C19orf38: variants seen among roughly 807,000 people sequenced by gnomAD.
C19orf38 encodes the protein protein HIDE1.
Under a neutral mutation model 26.6 loss-of-function variants are expected in C19orf38, and 14 were observed. That is an observed-to-expected ratio of 0.53 (90% confidence interval 0.35 to 0.82). The LOEUF is 0.82. C19orf38 is among the 40% of genes least tolerant of loss of function. The pLI is 0.01. For synonymous variants in C19orf38, 132 were observed against 128.5 expected (o/e 1.03, Z -0.18); for missense variants, 261 against 299.5 (o/e 0.87, Z 0.95).
intron 1 of C19orf38, among the ~76,000 whole-genome samples, chr19:10,838,678 C>T (rs975354393): frequency 6.6e-6 from 1 of 152,130 alleles, no homozygotes; most frequent in Non-Finnish European, 1.5e-5. Flanking sequence ...GAGAGTATAG[C>T]TCTCTGCTAC....
chr19:10,837,648 C>T, intron 1 of C19orf38, among the ~76,000 whole-genome samples: 1 of 151,248 alleles, frequency 6.6e-6, no homozygotes, highest in East Asian at 1.9e-4. Context: ...GCTGAGACTA[C>T]AGGCACGTGC....
At chr19:10,861,171 CAATT>C (rs773537131) in intron 5 of C19orf38, among the ~76,000 whole-genome samples, 3 of 152,144 alleles carry the variant, frequency 2.0e-5, no homozygotes, top group South Asian at 2.1e-4. Flanking sequence ...AAAAATGAAA[CAATT>C]AAGTGATCAT....
At chr19:10,858,935 TG>T (rs1054747427) in intron 4 of C19orf38, among the ~76,000 whole-genome samples, 27 of 131,238 alleles carry the variant, frequency 2.1e-4, no homozygotes, top group African/African-American at 4.9e-4. Flanking sequence ...AATATATATA[TG>T]TTTTTTTTTT....
intron 6 of C19orf38, among the ~76,000 whole-genome samples, chr19:10,868,624 C>A (rs555273031): frequency 1.3e-5 from 2 of 152,280 alleles, no homozygotes; most frequent in East Asian, 1.9e-4. Context: ...GGTGATTCTC[C>A]TGCCTCAGCC....
rs1229507320 is a variant in C19orf38 at position 10,856,256 on chromosome 19, T to A, written c.341-9T>A. 6.5e-7 allele frequency: 1 copy of A among 1,548,866 alleles called. No individual in the cohort carries two copies. The highest frequency in any genetic ancestry group is 1.4e-5 in the African/African-American group (1 of 72,966). ...GACCTGCCCACTCTCTTTTCTGATT[T>A]TCCTCCAGTGCCCACTTGGATCTTG... On this transcript the variant is annotated splice_polypyrimidine_tract_variant and intron_variant, in intron 2 of 6. Coordinates refer to ENST00000397820, the MANE Select transcript of C19orf38 (RefSeq NM_001136482.3).
intron 1 of C19orf38, among the ~76,000 whole-genome samples, chr19:10,842,451 G>A (rs2073485121): frequency 6.6e-6 from 1 of 152,012 alleles, no homozygotes; most frequent in Admixed American, 6.6e-5. Context: ...TAGTAGAGAT[G>A]GGTTTTCACC....
At chr19:10,846,636 A>C (rs2073520777), upstream of C19orf38, among the ~76,000 whole-genome samples, 1 of 152,218 alleles carries the variant, frequency 6.6e-6, no homozygotes, top group South Asian at 2.1e-4. Flanking sequence ...GATAAGAGAC[A>C]AGGAGACTTC....
chr19:10,846,985 G>A (rs960016695), upstream of C19orf38, among the ~76,000 whole-genome samples: 1 of 152,160 alleles, frequency 6.6e-6, no homozygotes, highest in African/African-American at 2.4e-5. Flanking sequence ...AAGGCCCTGA[G>A]GTTGGATTGA....
chr19:10,869,329 G>A lies in C19orf38; in HGVS notation c.655G>A (p.Glu219Lys), dbSNP rs2073781229. 5 of 1,551,440 alleles carry A rather than the reference G, an allele frequency of 3.2e-6. No individual in the cohort carries two copies. Among genetic ancestry groups the A allele is most frequent in the Non-Finnish European group, 3.5e-6 (4 of 1,146,928 alleles). ...KRPTSTSSSP[E>K]TPEFSTFRAC... ...GCCCACTTCCACGTCCTCCTCGCCT[G>A]AGACCCCCGAATTCAGCACTTTCCG... is the stretch of plus-strand genomic sequence containing the variant. The change falls in exon 7 of 7, where the codon GAG becomes AAG. Residue 219 changes from glutamate (E) to lysine (K), a missense_variant. Transcript: ENST00000397820.
intron 1 of C19orf38, among the ~76,000 whole-genome samples, chr19:10,839,782 G>A (rs2073466026): frequency 6.8e-6 from 1 of 146,652 alleles, no homozygotes; most frequent in Admixed American, 6.9e-5. Context: ...AAGCTGGAGT[G>A]CAGTGGTGTG....
intron 2 of C19orf38, among the ~76,000 whole-genome samples, chr19:10,853,427 C>T (rs1045440984): frequency 6.6e-6 from 1 of 151,834 alleles, no homozygotes; most frequent in Non-Finnish European, 1.5e-5. Context: ...GCTGGGATTA[C>T]AGGCGTGCAC....
Position 10,869,645 on chromosome 19 carries a change from G to A in C19orf38, c.*278G>A. The A allele has an allele frequency of 2.3e-6, 1 of 442,208 alleles. No individual in the cohort carries two copies. The highest frequency in any genetic ancestry group is 4.0e-6 in the Non-Finnish European group (1 of 251,796). 27.4% of individuals were successfully genotyped at this position (442,208 alleles called of 1,614,324 possible). A position where few individuals can be genotyped will look rare whatever the true frequency, so the allele number is the denominator to read the frequency against. On this transcript the variant is annotated 3_prime_UTR_variant, in exon 7 of 7. Coordinates refer to ENST00000397820, the MANE Select transcript of C19orf38 (RefSeq NM_001136482.3). ...CAGGACCCCTTCTTGTCCCCCAGCT[G>A]GGCCATAAGACGTCCCAGGTCTCTG...
chr19:10,855,487 A>G (rs907671382), intron 2 of C19orf38, among the ~76,000 whole-genome samples: 3 of 151,544 alleles, frequency 2.0e-5, no homozygotes, highest in Non-Finnish European at 4.4e-5. Context: ...ACAGGTGTGC[A>G]CCACACCTGG....
chr19:10,844,536 C>T (rs1010772226), upstream of C19orf38, among the ~76,000 whole-genome samples: 1 of 150,052 alleles, frequency 6.7e-6, no homozygotes, highest in African/African-American at 2.5e-5. Context: ...CATAGCAAGA[C>T]CCTGTCTCTG....
intron 5 of C19orf38, among the ~76,000 whole-genome samples, chr19:10,862,622 G>T (rs2073712078): frequency 2.0e-5 from 3 of 152,046 alleles, no homozygotes; most frequent in African/African-American, 7.2e-5. Flanking sequence ...TTGGGGCAAG[G>T]AGTTCAAGAC....
chr19:10,854,908 G>T (rs997447166), intron 2 of C19orf38, among the ~76,000 whole-genome samples: 9 of 152,032 alleles, frequency 5.9e-5, no homozygotes, highest in Non-Finnish European at 8.8e-5. Context: ...GATATGGCTG[G>T]ATCCAGGTGC....
rs553625882 is a variant in C19orf38 at position 10,855,118 on chromosome 19, A to C, written c.341-1147A>C. 7.5e-5 allele frequency among the ~76,000 whole-genome samples: 11 copies of C among 146,294 alleles called. No homozygotes were observed. In the South Asian group the frequency reaches 1.7e-3, roughly 23 times the overall value. Reference sequence around the variant, plus strand: ...AATGGCCCAATCTCGGCTCACTGCAACCTCCACCTTTTGGGTTCAATCGAT... The same window carrying C: ...AATGGCCCAATCTCGGCTCACTGCACCCTCCACCTTTTGGGTTCAATCGAT... On this transcript the variant is annotated intron_variant, in intron 2 of 6. Transcript: ENST00000397820.
rs375864409 is a variant in C19orf38 at position 10,853,208 on chromosome 19, G to A, written c.340+2641G>A. 2.6e-4 allele frequency among the ~76,000 whole-genome samples: 39 copies of A among 151,718 alleles called. 1 individual carries two copies. Among genetic ancestry groups the A allele is most frequent in the African/African-American group, 8.2e-4 (34 of 41,320 alleles). On this transcript the variant is annotated intron_variant, in intron 2 of 6. Transcript: ENST00000397820. The stretch of plus-strand genomic sequence containing the variant: ...CTCCCTAGCAGCTGGGACTACAGCC[G>A]TGCACCACCACGCCTGGCTAATATG...
intron 1 of C19orf38, among the ~76,000 whole-genome samples, chr19:10,837,720 G>A (rs1243204010): frequency 6.6e-6 from 1 of 151,696 alleles, no homozygotes; most frequent in East Asian, 1.9e-4. Context: ...TGTTAGCCAG[G>A]ATGGTCTCGA....
Sources: gnomAD v4.1 joint callset for allele counts (sites outside exome capture counted in the v4.1 genomes callset) on GRCh38, gnomAD v4.1.1 for gene constraint, MANE v1.5 for transcripts, NCBI Gene and HGNC (gene_info 2026-07-23, HGNC 2026-07-21) for gene names.